The following GNAQ variants were observed in gnomAD, a reference collection of about 807,000 sequenced individuals.
GNAQ encodes G protein subunit alpha q.
In GNAQ, 8 loss-of-function variants were observed where a neutral mutation model predicts 43.9. That is an observed-to-expected ratio of 0.18 (90% confidence interval 0.11 to 0.33). GNAQ has a LOEUF of 0.33. Among genes scored for constraint, GNAQ ranks in the 10% least tolerant of loss-of-function variants. The probability of loss-of-function intolerance (pLI) is 1.00; values close to 1 mark genes in which losing one functional copy is unlikely to be tolerated. For missense variants in GNAQ, 158 were observed against 450.8 expected (o/e 0.35, Z 5.88); for synonymous variants, 155 against 170.7 (o/e 0.91, Z 0.71).
intron 1 of GNAQ, among the ~76,000 whole-genome samples, chr9:77,935,376 G>T (rs1829216091): frequency 6.6e-6 from 1 of 152,134 alleles, no homozygotes; most frequent in Non-Finnish European, 1.5e-5. Context: ...GGCTATTTGG[G>T]AGAATCCAAC....
chr9:77,903,740 T>C (rs189240580), intron 2 of GNAQ, among the ~76,000 whole-genome samples: 30 of 151,968 alleles, frequency 2.0e-4, no homozygotes, highest in East Asian at 5.8e-4. Flanking sequence ...TATATACATA[T>C]ACACACACAC....
At chr9:77,843,944 A>T (rs1827533398) in intron 2 of GNAQ, among the ~76,000 whole-genome samples, 1 of 152,136 alleles carries the variant, frequency 6.6e-6, no homozygotes, top group South Asian at 2.1e-4. Context: ...AGGTCCTTAT[A>T]ACTCAGAAAC....
At chr9:77,762,234 T>G (rs1397612333) in intron 5 of GNAQ, among the ~76,000 whole-genome samples, 26 of 98,996 alleles carry the variant, frequency 2.6e-4, no homozygotes, top group East Asian at 7.0e-4. Context: ...CAGCCGCCCC[T>G]TCCGGGAGGG....
intron 2 of GNAQ, among the ~76,000 whole-genome samples, chr9:77,867,086 A>T (rs1386408132): frequency 6.6e-6 from 1 of 152,076 alleles, no homozygotes; most frequent in Non-Finnish European, 1.5e-5. Context: ...GATCAATTGC[A>T]TCATCTTCCC....
intron 2 of GNAQ, among the ~76,000 whole-genome samples, chr9:77,834,396 A>G (rs1260676389): frequency 1.3e-5 from 2 of 152,206 alleles, no homozygotes; most frequent in Non-Finnish European, 2.9e-5. Flanking sequence ...TCTTGAGTAA[A>G]TATGATTTTA....
In GNAQ at chr9:77,719,805, T is replaced by G; in HGVS notation, c.*1518A>C. On this transcript the variant is annotated 3_prime_UTR_variant, in exon 7 of 7. Coordinates refer to ENST00000286548, the MANE Select transcript of GNAQ (RefSeq NM_002072.5). ...AAACATTTCTCCTGGTAGGTTCAGTTACACAAATACATGTTCTATAGAACA... is the reference window on the plus strand; with the variant it reads ...AAACATTTCTCCTGGTAGGTTCAGTGACACAAATACATGTTCTATAGAACA... 4.3e-6 allele frequency: 1 copy of G among 232,816 alleles called. No individual in the cohort carries two copies. The highest frequency in any genetic ancestry group is 8.5e-6 in the Non-Finnish European group (1 of 117,766). The allele number at this position is 232,816 out of a possible 1,614,324, so 14.4% of individuals were successfully genotyped here. A position where few individuals can be genotyped will look rare whatever the true frequency, so the allele number is the denominator to read the frequency against.
chr9:77,957,805 A>T (rs1366310042), intron 1 of GNAQ, among the ~76,000 whole-genome samples: 3 of 152,168 alleles, frequency 2.0e-5, no homozygotes, highest in African/African-American at 7.2e-5. Context: ...AGGCAAGTCT[A>T]GTCAGAAAGG....
chr9:78,026,060 A>G (rs1823975896), intron 1 of GNAQ, among the ~76,000 whole-genome samples: 1 of 152,138 alleles, frequency 6.6e-6, no homozygotes, highest in Non-Finnish European at 1.5e-5. Context: ...TAGAGCTGAG[A>G]TGGTTTTCTT....
At chr9:78,003,028 G>A (rs1302863164) in intron 1 of GNAQ, among the ~76,000 whole-genome samples, 1 of 152,076 alleles carries the variant, frequency 6.6e-6, no homozygotes, top group Non-Finnish European at 1.5e-5. Context: ...GATTTTATGA[G>A]TCAAAGAAAA....
intron 5 of GNAQ, among the ~76,000 whole-genome samples, chr9:77,755,142 CTT>C (rs1187221492): frequency 6.6e-6 from 1 of 152,176 alleles, no homozygotes; most frequent in Non-Finnish European, 1.5e-5. Context: ...GAAAGACAAA[CTT>C]TGCATATTCT....
chr9:78,010,687 A>AT (rs1402289177), intron 1 of GNAQ, among the ~76,000 whole-genome samples: 2 of 152,284 alleles, frequency 1.3e-5, no homozygotes, highest in African/African-American at 2.4e-5. Flanking sequence ...GAAGAAAAAA[A>AT]ATGTAGAAAG....
intron 5 of GNAQ, among the ~76,000 whole-genome samples, chr9:77,759,685 G>A (rs1194206542): frequency 6.6e-6 from 1 of 152,064 alleles, no homozygotes; most frequent in East Asian, 1.9e-4. Flanking sequence ...CTTGTGAAAA[G>A]GCCAGACAAG....
rs189907399 is a variant in GNAQ, at chr9:77,725,379, A to C, written c.889+3135T>G. ...GAAATGTGGAAGTGTGAAATTTATA[A>C]TACTATAAACATGCTTATTACAAAA... On this transcript the variant is annotated intron_variant, in intron 6 of 6. Coordinates refer to ENST00000286548, the MANE Select transcript of GNAQ (RefSeq NM_002072.5). Among the ~76,000 whole-genome samples, 14 of 152,244 alleles carry C rather than the reference A, an allele frequency of 9.2e-5. No homozygotes were observed. In the East Asian group the frequency reaches 2.7e-3, roughly 29 times the overall value.
In GNAQ at chr9:77,936,344, T is replaced by C. The variant is rs1395781587; in HGVS notation, c.137-13999A>G. ...GACCCAACAAATGCTGTCTGAATTA[T>C]AGCAGTATATACTCAGACCTTATTT... On this transcript the variant is annotated intron_variant, in intron 1 of 6. Coordinates refer to ENST00000286548, the MANE Select transcript of GNAQ (RefSeq NM_002072.5). 1.2e-4 allele frequency among the ~76,000 whole-genome samples: 19 copies of C among 152,198 alleles called. 1 individual carries two copies. The highest frequency in any genetic ancestry group is 2.9e-5 in the Non-Finnish European group (2 of 68,030).
At chr9:77,968,201 T>A (rs562962569) in intron 1 of GNAQ, among the ~76,000 whole-genome samples, 1 of 152,188 alleles carries the variant, frequency 6.6e-6, no homozygotes, top group African/African-American at 2.4e-5. Flanking sequence ...ATGTAAATTA[T>A]ATGTCAAATT....
At chr9:77,899,098 T>C (rs1828550503) in intron 2 of GNAQ, among the ~76,000 whole-genome samples, 1 of 152,106 alleles carries the variant, frequency 6.6e-6, no homozygotes, top group Admixed American at 6.6e-5. Context: ...ACCCGTTTTT[T>C]TGTTTTGTTT....
intron 2 of GNAQ, among the ~76,000 whole-genome samples, chr9:77,848,293 A>C (rs931652218): frequency 6.6e-6 from 1 of 152,222 alleles, no homozygotes; most frequent in African/African-American, 2.4e-5. Context: ...GTTCAGTGAC[A>C]AGCTAAGTGA....
At chr9:77,811,694 TA>T (rs1826929660) in intron 3 of GNAQ, among the ~76,000 whole-genome samples, 1 of 152,136 alleles carries the variant, frequency 6.6e-6, no homozygotes, top group African/African-American at 2.4e-5. Flanking sequence ...AAGGAAAATG[TA>T]AAGTGCTCAC....
At chr9:77,839,738 A>G (rs1827454023) in intron 2 of GNAQ, among the ~76,000 whole-genome samples, 2 of 152,246 alleles carry the variant, frequency 1.3e-5, no homozygotes, top group African/African-American at 4.8e-5. Context: ...ACTTGGAGGA[A>G]ACACTGTTAT....
Sources: gnomAD v4.1 joint callset for allele counts (sites outside exome capture counted in the v4.1 genomes callset) on GRCh38, gnomAD v4.1.1 for gene constraint, MANE v1.5 for transcripts, NCBI Gene and HGNC (gene_info 2026-07-23, HGNC 2026-07-21) for gene names.